The following CTNND2 variants were observed in gnomAD, a reference collection of about 807,000 sequenced individuals.
The protein encoded by CTNND2 is catenin delta-2.
Under a neutral mutation model 144.4 loss-of-function variants are expected in CTNND2, and 22 were observed. That is an observed-to-expected ratio of 0.15 (90% confidence interval 0.11 to 0.22). The LOEUF is 0.22. CTNND2 is among the 10% of genes least tolerant of loss of function. The pLI is 1.00. For missense variants in CTNND2, 1,353 were observed against 1,618.8 expected (o/e 0.84, Z 2.82); for synonymous variants, 751 against 695.6 (o/e 1.08, Z -1.25).
intron 1 of CTNND2, among the ~76,000 whole-genome samples, chr5:11,772,969 C>A (rs181984765): frequency 2.6e-5 from 4 of 152,118 alleles, no homozygotes; most frequent in Admixed American, 2.6e-4. Context: ...TCTCAAAGAG[C>A]AGAAATATAA....
intron 2 of CTNND2, among the ~76,000 whole-genome samples, chr5:11,691,265 G>T (rs1784896513): frequency 6.6e-6 from 1 of 151,854 alleles, no homozygotes; most frequent in South Asian, 2.1e-4. Context: ...CAGTTACTCG[G>T]GAGGCTGAGG....
At chr5:11,090,445 A>G (rs1750651486) in intron 15 of CTNND2, among the ~76,000 whole-genome samples, 1 of 152,232 alleles carries the variant, frequency 6.6e-6, no homozygotes, top group Non-Finnish European at 1.5e-5. Flanking sequence ...ACTGGGCCGT[A>G]CAGCAGGAGT....
At chr5:11,478,463 T>C (rs1157720474) in intron 3 of CTNND2, among the ~76,000 whole-genome samples, 2 of 152,238 alleles carry the variant, frequency 1.3e-5, no homozygotes, top group African/African-American at 2.4e-5. Context: ...AAGATGGGAA[T>C]TGCTGGAGTG....
intron 6 of CTNND2, among the ~76,000 whole-genome samples, chr5:11,389,962 G>T (rs963385729): frequency 1.1e-4 from 17 of 152,098 alleles, no homozygotes; most frequent in African/African-American, 3.9e-4. Context: ...CTTTAGACTG[G>T]GGGGGAGTCC....
chr5:11,708,946 A>G (rs1338245225), intron 2 of CTNND2, among the ~76,000 whole-genome samples: 2 of 152,176 alleles, frequency 1.3e-5, no homozygotes, highest in Non-Finnish European at 2.9e-5. Flanking sequence ...CCTTTCACCT[A>G]ACATAGTGCC....
intron 2 of CTNND2, among the ~76,000 whole-genome samples, chr5:11,624,181 G>A (rs1415755772): frequency 6.6e-6 from 1 of 151,922 alleles, no homozygotes; most frequent in African/African-American, 2.4e-5. Context: ...AGAACACAAA[G>A]GTTTTAAGGT....
intron 1 of CTNND2, among the ~76,000 whole-genome samples, chr5:11,739,241 G>A (rs941033547): frequency 6.0e-4 from 92 of 152,240 alleles, no homozygotes; most frequent in African/African-American, 2.2e-3. Context: ...ATCCAGGCAG[G>A]AGAGGTCTTG....
At chr5:11,695,792 T>C (rs1486855285) in intron 2 of CTNND2, among the ~76,000 whole-genome samples, 1 of 152,208 alleles carries the variant, frequency 6.6e-6, no homozygotes, top group Non-Finnish European at 1.5e-5. Flanking sequence ...GTCCCATTTT[T>C]ATCACACTAT....
chr5:11,323,802 T>C (rs917493602), intron 9 of CTNND2, among the ~76,000 whole-genome samples: 3 of 152,138 alleles, frequency 2.0e-5, no homozygotes, highest in Non-Finnish European at 4.4e-5. Context: ...AGGCCTGGCA[T>C]TGGGGACATA....
chr5:11,299,637 A>G (rs1749372235), intron 9 of CTNND2, among the ~76,000 whole-genome samples: 1 of 152,322 alleles, frequency 6.6e-6, no homozygotes, highest in Admixed American at 6.5e-5. Flanking sequence ...CGTCTAAGGT[A>G]GAAACATGTA....
rs550406325 is a variant in CTNND2 at position 11,289,166 on chromosome 5, CATGCCTCTGA to C, written c.1629-52353_1629-52344del. On this transcript the variant is annotated intron_variant, in intron 9 of 21. Coordinates refer to ENST00000304623, the MANE Select transcript of CTNND2 (RefSeq NM_001332.4). ...AGATCCTCGTGCTGTTCTCTGTGTG[CATGCCTCTGA>C]GTGCCTCAAGAAGTGCCTGTTTTCT... 2.1e-4 allele frequency among the ~76,000 whole-genome samples: 32 copies of C among 152,330 alleles called. No homozygotes were observed. The East Asian group carries it at 5.6e-3, about 27-fold the overall frequency.
At chr5:11,421,073 G>A (rs1762325384) in intron 3 of CTNND2, among the ~76,000 whole-genome samples, 1 of 152,066 alleles carries the variant, frequency 6.6e-6, no homozygotes, top group African/African-American at 2.4e-5. Flanking sequence ...AGACTAGCGG[G>A]AACCAATATA....
At chr5:11,076,125 T>C (rs887084642) in intron 16 of CTNND2, among the ~76,000 whole-genome samples, 10 of 152,146 alleles carry the variant, frequency 6.6e-5, no homozygotes, top group African/African-American at 9.7e-5. Context: ...ACAAAAAACA[T>C]AAGAGACAAT....
intron 11 of CTNND2, among the ~76,000 whole-genome samples, chr5:11,162,884 TACACACACACACAC>T (rs34257746): frequency 2.7e-5 from 4 of 147,786 alleles, no homozygotes; most frequent in Non-Finnish European, 6.0e-5. Flanking sequence ...TCTTTCCTGC[TACACACACACACAC>T]ACACACACAC....
Position 11,785,653 on chromosome 5 carries a change from G to A in CTNND2, c.38-53381C>T, listed in dbSNP as rs563932531. Among the ~76,000 whole-genome samples the A allele has an allele frequency of 3.4e-4, 11 of 32,120 alleles. No individual in the cohort carries two copies. The East Asian group carries it at 7.6e-3, about 22-fold the overall frequency. The allele number at this position is 32,120 out of a possible 152,430, so 21.1% of individuals were successfully genotyped here. A position where few individuals can be genotyped will look rare whatever the true frequency, so the allele number is the denominator to read the frequency against. ...GTATCCCAAACTCGCAGGTTAAATAGTGGAAAAAAAAAAATCCTAAAAATT... is the reference window on the plus strand; with the variant it reads ...GTATCCCAAACTCGCAGGTTAAATAATGGAAAAAAAAAAATCCTAAAAATT... On this transcript the variant is annotated intron_variant, in intron 1 of 21. Coordinates refer to ENST00000304623, the MANE Select transcript of CTNND2 (RefSeq NM_001332.4).
At chr5:11,283,659 G>C (rs1424056931) in intron 9 of CTNND2, among the ~76,000 whole-genome samples, 1 of 96,802 alleles carries the variant, frequency 1.0e-5, no homozygotes, top group Non-Finnish European at 1.9e-5. Flanking sequence ...GGGTGAAAGA[G>C]TGAGACTCCG....
intron 1 of CTNND2, among the ~76,000 whole-genome samples, chr5:11,827,612 A>G (rs1355246640): frequency 1.3e-5 from 2 of 152,360 alleles, no homozygotes; most frequent in East Asian, 3.9e-4. Flanking sequence ...ACATCACTAC[A>G]AGAACTAAAG....
At chr5:11,662,030 T>C (rs138445073) in intron 2 of CTNND2, among the ~76,000 whole-genome samples, 1,834 of 149,412 alleles carry the variant, frequency 0.012, 27 homozygotes, top group African/African-American at 0.043. Context: ...CACACATATA[T>C]ACACACACAC....
rs183014166 is a variant in CTNND2 at position 11,904,370 on chromosome 5, C to T, written c.-517G>A. ...GGCGCGCGGCAGCCTCAGCCTCCAC[C>T]TAAACCTCGGCGGCCGGCCCGGGCG... On this transcript the variant is annotated 5_prime_UTR_variant, in exon 1 of 22. Transcript: ENST00000304623. The surrounding 1 kb of genome is among the most constrained non-coding windows in gnomAD (Gnocchi z 4.2). 1.9e-4 allele frequency among the ~76,000 whole-genome samples: 29 copies of T among 151,174 alleles called. No individual in the cohort carries two copies. Among genetic ancestry groups the T allele is most frequent in the African/African-American group, 7.0e-4 (29 of 41,408 alleles).
Sources: gnomAD v4.1 joint callset for allele counts (sites outside exome capture counted in the v4.1 genomes callset) on GRCh38, gnomAD v4.1.1 for gene constraint, Gnocchi (gnomAD v3.1) non-coding constraint, MANE v1.5 for transcripts, NCBI Gene and HGNC (gene_info 2026-07-23, HGNC 2026-07-21) for gene names.